Variants in KIAA1549 observed in about 807,000 individuals in gnomAD.
The protein encoded by KIAA1549 is KIAA1549.
KIAA1549 carries 70 observed loss-of-function variants against 156.4 expected under a neutral mutation model. The ratio of observed to expected loss-of-function variants is 0.45; its 90% CI spans 0.37 to 0.55. The LOEUF (loss-of-function observed/expected upper bound fraction) is 0.55, where lower values mean the gene tolerates loss of function less well. Among genes scored for constraint, KIAA1549 ranks in the 20% least tolerant of loss-of-function variants. The probability of loss-of-function intolerance (pLI) is 0.00; values close to 1 mark genes in which losing one functional copy is unlikely to be tolerated. For missense variants in KIAA1549, 2,428 were observed against 2,540.9 expected (o/e 0.96, Z 0.96); for synonymous variants, 1,103 against 1,066.4 (o/e 1.03, Z -0.67).
At chr7:138,942,853 T>C (rs1200866927) in intron 1 of KIAA1549, among the ~76,000 whole-genome samples, 1 of 150,998 alleles carries the variant, frequency 6.6e-6, no homozygotes, top group Non-Finnish European at 1.5e-5. Context: ...GAGGTTGCAG[T>C]GAGCCGAGAT....
chr7:138,967,889 C>T (rs1814079954), intron 1 of KIAA1549, among the ~76,000 whole-genome samples: 1 of 152,174 alleles, frequency 6.6e-6, no homozygotes, highest in Admixed American at 6.5e-5. Flanking sequence ...TGCACAGATG[C>T]CCCTCCATCC....
chr7:138,937,081 T>C (rs951940106), intron 1 of KIAA1549, among the ~76,000 whole-genome samples: 9 of 152,136 alleles, frequency 5.9e-5, no homozygotes, highest in Admixed American at 2.6e-4. Flanking sequence ...TCAGCTGAGA[T>C]ACAAGAGCCT....
At chr7:138,859,098 T>C (rs1480999286) in intron 16 of KIAA1549, among the ~76,000 whole-genome samples, 1 of 151,956 alleles carries the variant, frequency 6.6e-6, no homozygotes, top group Non-Finnish European at 1.5e-5. Context: ...TTATGGAGGC[T>C]GGAAAGTCTT....
chr7:138,937,982 CT>C (rs1272563154), intron 1 of KIAA1549, among the ~76,000 whole-genome samples: 2 of 152,118 alleles, frequency 1.3e-5, no homozygotes, highest in Non-Finnish European at 2.9e-5. Context: ...AGGAATCATA[CT>C]GCTATAGTCT....
At chr7:138,875,140 T>C (rs759629246) in intron 12 of KIAA1549, among the ~76,000 whole-genome samples, 2 of 152,238 alleles carry the variant, frequency 1.3e-5, no homozygotes, top group Admixed American at 6.5e-5. Flanking sequence ...AAAGTAATGA[T>C]AACTTTGTCT....
chr7:138,926,549 T>A (rs1469857501), intron 1 of KIAA1549, among the ~76,000 whole-genome samples: 1 of 152,192 alleles, frequency 6.6e-6, no homozygotes, highest in Admixed American at 6.5e-5. Context: ...TCTCCCAAAG[T>A]GCTGGGATTA....
intron 1 of KIAA1549, among the ~76,000 whole-genome samples, chr7:138,976,538 A>G (rs1814385103): frequency 6.6e-6 from 1 of 152,216 alleles, no homozygotes; most frequent in South Asian, 2.1e-4. Flanking sequence ...GTTTTATTAC[A>G]GTAGACTGTT....
chr7:138,923,031 A>C (rs980004529), intron 1 of KIAA1549, among the ~76,000 whole-genome samples: 1 of 152,214 alleles, frequency 6.6e-6, no homozygotes, highest in African/African-American at 2.4e-5. Flanking sequence ...TTGTAAAAGC[A>C]GTCAGAGAAA....
At chr7:138,887,378 T>A (rs951706412) in intron 10 of KIAA1549, among the ~76,000 whole-genome samples, 1 of 152,360 alleles carries the variant, frequency 6.6e-6, no homozygotes, top group East Asian at 1.9e-4. Flanking sequence ...TTCTCATCTG[T>A]GACCCATGGA....
In KIAA1549 at chr7:138,832,177, C is replaced by T. The variant is rs148605725; in HGVS notation, c.*5729G>A. The T allele has an allele frequency of 6.2e-3, 1,182 of 192,100 alleles. 7 individuals carry two copies. The highest frequency in any genetic ancestry group is 9.1e-3 in the Non-Finnish European group (867 of 95,788). 11.9% of individuals were successfully genotyped at this position (192,100 alleles called of 1,614,324 possible). Reference sequence around the variant, plus strand: ...AGTCACTCAAAATTTCACCTCTGTCCCTTTTACCTATTCCTTTTTTTTTTT... The same window carrying T: ...AGTCACTCAAAATTTCACCTCTGTCTCTTTTACCTATTCCTTTTTTTTTTT... On this transcript the variant is annotated 3_prime_UTR_variant, in exon 20 of 20. Coordinates refer to ENST00000422774, the MANE Select transcript of KIAA1549 (RefSeq NM_001164665.2).
At chr7:138,891,168 T>G (rs1323725592) in intron 10 of KIAA1549, among the ~76,000 whole-genome samples, 1 of 152,240 alleles carries the variant, frequency 6.6e-6, no homozygotes, top group Non-Finnish European at 1.5e-5. Flanking sequence ...AGAGATCGCG[T>G]GCTATTTGTG....
At chr7:138,887,573 C>G (rs1811434658) in intron 10 of KIAA1549, among the ~76,000 whole-genome samples, 1 of 152,098 alleles carries the variant, frequency 6.6e-6, no homozygotes, top group Admixed American at 6.5e-5. Context: ...CATGCTGGCT[C>G]CCCCTCCCAC....
intron 17 of KIAA1549, among the ~76,000 whole-genome samples, chr7:138,851,882 A>G (rs183365544): frequency 1.3e-5 from 2 of 152,336 alleles, no homozygotes; most frequent in Admixed American, 6.5e-5. Flanking sequence ...CCCTGGGGAA[A>G]AAGTGGCCCA....
rs534527332 is a variant in KIAA1549 at position 138,840,149 on chromosome 7, G to A, written c.5582C>T (p.Ala1861Val). Residue 1861 changes from alanine to valine, a missense_variant, in exon 19 of 20, where the codon GCG becomes GTG. By Grantham distance (64) the Ala-to-Val change is moderately conservative (BLOSUM62 0). Around this residue, in one of 5 missense-constraint regions of KIAA1549, gnomAD observed 363 missense variants for 354.0 expected, o/e 1.03. Coordinates refer to ENST00000422774, the MANE Select transcript of KIAA1549 (RefSeq NM_001164665.2). ...GATACTCACGGCCTCTCTTCGCCCC[G>A]CTTCGTCCTCCCCGTACGAAGGCCA... is the stretch of plus-strand genomic sequence containing the variant. ...PGWPSYGEDE[A>V]GRREATHMLG... 12 of 1,551,790 alleles carry A rather than the reference G, an allele frequency of 7.7e-6. No individual in the cohort carries two copies. Among genetic ancestry groups the A allele is most frequent in the African/African-American group, 4.1e-5 (3 of 72,950 alleles).
chr7:138,978,303 T>G (rs1287097357), intron 1 of KIAA1549, among the ~76,000 whole-genome samples: 2 of 152,164 alleles, frequency 1.3e-5, no homozygotes, highest in African/African-American at 4.8e-5. Flanking sequence ...AGCAATCTAT[T>G]TCATAATAAC....
chr7:138,876,012 G>A (rs1369507306), intron 12 of KIAA1549, among the ~76,000 whole-genome samples: 2 of 151,750 alleles, frequency 1.3e-5, no homozygotes, highest in Middle Eastern at 3.2e-3. Context: ...ACGTAGCCCA[G>A]GCTGGAAAAC....
At chr7:138,947,695 A>G (rs906586857) in intron 1 of KIAA1549, among the ~76,000 whole-genome samples, 9 of 152,232 alleles carry the variant, frequency 5.9e-5, no homozygotes, top group Non-Finnish European at 1.3e-4. Context: ...TTCCTTGATA[A>G]TAACTGCAGA....
intron 6 of KIAA1549, among the ~76,000 whole-genome samples, chr7:138,906,576 T>C (rs373379258): frequency 2.8e-4 from 43 of 152,342 alleles, no homozygotes; most frequent in African/African-American, 1.0e-3. Context: ...AAACATCGTA[T>C]GTTCTCACTG....
chr7:138,917,631 G>A lies in KIAA1549; in HGVS notation c.1995C>T (p.Pro665=). ...CAAACAATGTAAATGTCTCAACCAA[G>A]GGAGAAAAAGACTGAGATGTGAAGG... The part of the protein sequence containing the change: ...LSPFTSQSFS[P]LVETFTLFDS... The change falls in exon 2 of 20, where the codon CCC becomes CCT. Residue 665 remains proline, a synonymous_variant. Transcript: ENST00000422774. The A allele has an allele frequency of 6.2e-7, 1 of 1,613,694 alleles. No homozygotes were observed.
Sources: gnomAD v4.1 joint callset for allele counts (sites outside exome capture counted in the v4.1 genomes callset) on GRCh38, gnomAD v4.1.1 for gene constraint, gnomAD v4.1.1 regional missense constraint, MANE v1.5 for transcripts, NCBI Gene and HGNC (gene_info 2026-07-23, HGNC 2026-07-21) for gene names.